Variants in JAKMIP2 observed in about 807,000 individuals in gnomAD.
JAKMIP2 encodes janus kinase and microtubule interacting protein 2, also known as janus kinase and microtubule-interacting protein 2.
Under a neutral mutation model 115.0 loss-of-function variants are expected in JAKMIP2, and 25 were observed. The ratio of observed to expected loss-of-function variants is 0.22; its 90% CI spans 0.16 to 0.30. The LOEUF is 0.30. Ranked by LOEUF, JAKMIP2 falls within the 10% of genes least tolerant of loss-of-function variation. The pLI, the probability that JAKMIP2 is intolerant of heterozygous loss-of-function variation, is 1.00. For missense variants in JAKMIP2, 642 were observed against 957.6 expected (o/e 0.67, Z 4.35); for synonymous variants, 334 against 343.6 (o/e 0.97, Z 0.31).
Position 147,616,168 on chromosome 5 carries a change from C to T in JAKMIP2, c.2346+1743G>A, listed in dbSNP as rs1756570640. On this transcript the variant is annotated intron_variant, in intron 19 of 21. Transcript: ENST00000616793. Reference sequence around the variant, plus strand: ...AACATTCAAGCAGAACGGTGTAATACATGGTTAGTGATATACTTTAGAAGT... The same window carrying T: ...AACATTCAAGCAGAACGGTGTAATATATGGTTAGTGATATACTTTAGAAGT... Among the ~76,000 whole-genome samples, 7 of 152,130 alleles carry T rather than the reference C, an allele frequency of 4.6e-5. No individual in the cohort carries two copies. The South Asian group carries it at 1.5e-3, about 32-fold the overall frequency.
At chr5:147,693,097 C>T (rs1209397277) in intron 1 of JAKMIP2, among the ~76,000 whole-genome samples, 1 of 152,058 alleles carries the variant, frequency 6.6e-6, no homozygotes, top group Non-Finnish European at 1.5e-5. Context: ...AAAGTTAGCT[C>T]TTTATAAATA....
At chr5:147,617,852 A>C in intron 19 of JAKMIP2, 59 bp downstream of exon 19, 1 of 1,335,964 alleles carries the variant, frequency 7.5e-7, no homozygotes, top group South Asian at 1.2e-5. Flanking sequence ...CCGTGTACCT[A>C]GTACTAAGTT....
intron 1 of JAKMIP2, among the ~76,000 whole-genome samples, chr5:147,729,531 T>G (rs1170179852): frequency 6.6e-6 from 1 of 152,100 alleles, no homozygotes; most frequent in Non-Finnish European, 1.5e-5. Flanking sequence ...CCCAGCATTT[T>G]GGGAGGCCGA....
intron 1 of JAKMIP2, among the ~76,000 whole-genome samples, chr5:147,680,282 C>T (rs17561784): frequency 0.074 from 11,302 of 152,206 alleles, 539 homozygotes; most frequent in Middle Eastern, 0.17. Context: ...GTAGAGAAAG[C>T]ACAGAGATCC....
chr5:147,782,168 G>C (rs769711413), intron 1 of JAKMIP2, among the ~76,000 whole-genome samples: 1 of 152,082 alleles, frequency 6.6e-6, no homozygotes, highest in Non-Finnish European at 1.5e-5. Context: ...AACCCCTGAT[G>C]CTGTTGCTAA....
rs937718636 is a variant in JAKMIP2, at chr5:147,604,812, A to G, written c.2413-3001T>C. On this transcript the variant is annotated intron_variant, in intron 20 of 21. Coordinates refer to ENST00000616793, the MANE Select transcript of JAKMIP2 (RefSeq NM_001270941.2). ...TTGGGCCAGACATTTTATTATTATT[A>G]TTATTATTATTATTATTATTATTAT... 1.5e-4 allele frequency among the ~76,000 whole-genome samples: 16 copies of G among 103,804 alleles called. No individual in the cohort carries two copies. The East Asian group carries it at 4.0e-3, about 26-fold the overall frequency. 68.1% of individuals were successfully genotyped at this position (103,804 alleles called of 152,430 possible).
intron 20 of JAKMIP2, among the ~76,000 whole-genome samples, chr5:147,609,653 C>T (rs1480784795): frequency 3.9e-5 from 6 of 152,166 alleles, no homozygotes; most frequent in South Asian, 2.1e-4. Context: ...GATTATGTGT[C>T]TTAGGGCTGC....
At chr5:147,615,304 G>T (rs1357877865) in intron 19 of JAKMIP2, among the ~76,000 whole-genome samples, 1 of 152,156 alleles carries the variant, frequency 6.6e-6, no homozygotes, top group South Asian at 2.1e-4. Flanking sequence ...CTTAAACTGG[G>T]ACTGGAAAAA....
At chr5:147,715,836 A>C (rs1469763095) in intron 1 of JAKMIP2, among the ~76,000 whole-genome samples, 1 of 138,698 alleles carries the variant, frequency 7.2e-6, no homozygotes, top group Non-Finnish European at 1.5e-5. Flanking sequence ...TTTTTGGCCA[A>C]TTTACTTTCT....
intron 1 of JAKMIP2, among the ~76,000 whole-genome samples, chr5:147,683,423 C>T (rs1300159419): frequency 1.3e-5 from 2 of 152,024 alleles, no homozygotes; most frequent in Admixed American, 1.3e-4. Context: ...ACCCGGGAGG[C>T]GGATGCTGCA....
chr5:147,606,032 G>T (rs1269798959), intron 20 of JAKMIP2, among the ~76,000 whole-genome samples: 2 of 152,008 alleles, frequency 1.3e-5, no homozygotes, highest in Admixed American at 1.3e-4. Context: ...GGGGTTGTTT[G>T]CTTTTTTCCT....
intron 1 of JAKMIP2, among the ~76,000 whole-genome samples, chr5:147,699,162 T>C (rs1278861211): frequency 6.6e-6 from 1 of 152,174 alleles, no homozygotes; most frequent in African/African-American, 2.4e-5. Flanking sequence ...CATATCACAT[T>C]TGAAATGTAG....
At chr5:147,749,847 A>G (rs1395913232) in intron 1 of JAKMIP2, among the ~76,000 whole-genome samples, 2 of 152,242 alleles carry the variant, frequency 1.3e-5, no homozygotes, top group Non-Finnish European at 2.9e-5. Context: ...TAAGAAGCTC[A>G]GCCCTGAAAT....
intron 2 of JAKMIP2, among the ~76,000 whole-genome samples, chr5:147,664,608 C>A (rs954354363): frequency 3.9e-5 from 6 of 152,184 alleles, no homozygotes; most frequent in African/African-American, 1.4e-4. Context: ...TCACCCAGGA[C>A]AAAGCTCATT....
chr5:147,725,688 G>C (rs917273667), intron 1 of JAKMIP2, among the ~76,000 whole-genome samples: 1 of 152,100 alleles, frequency 6.6e-6, no homozygotes, highest in African/African-American at 2.4e-5. Context: ...AAGGATGCTT[G>C]ACCAAACTTG....
chr5:147,773,551 G>C (rs764298942), intron 1 of JAKMIP2, among the ~76,000 whole-genome samples: 2 of 152,096 alleles, frequency 1.3e-5, no homozygotes, highest in East Asian at 1.9e-4. Flanking sequence ...CAGGGGCCTC[G>C]ACTAAACCAT....
chr5:147,764,889 G>GGAAAGAAAGAAAGAAAGAAAGAAA (rs758768756), intron 1 of JAKMIP2, among the ~76,000 whole-genome samples: 34 of 60,514 alleles, frequency 5.6e-4, no homozygotes, highest in African/African-American at 3.0e-3. Flanking sequence ...TGTCTAAAAG[G>GGAAAGAAAGAAAGAAAGAAAGAAA]GAAAGAAAGA....
At chr5:147,612,076 A>T (rs146803301) in intron 20 of JAKMIP2, 3 of 689,918 alleles carry the variant, frequency 4.3e-6, no homozygotes, top group African/African-American at 1.7e-5. Flanking sequence ...AAAACACAGA[A>T]AAAATAGGAA....
chr5:147,643,285 C>A (rs902812074), intron 7 of JAKMIP2, among the ~76,000 whole-genome samples: 1 of 152,126 alleles, frequency 6.6e-6, no homozygotes, highest in African/African-American at 2.4e-5. Context: ...GAAGCTATAA[C>A]CTTTCTCTGT....
Sources: allele counts gnomAD v4.1 joint callset (sites outside exome capture counted in the v4.1 genomes callset), GRCh38; gene constraint gnomAD v4.1.1; transcripts MANE v1.5; gene names NCBI Gene and HGNC (gene_info 2026-07-23, HGNC 2026-07-21).